Variants in ZNF248 observed in about 807,000 individuals in gnomAD.
ZNF248 encodes zinc finger protein 248, also known as KRAB protein domain.
ZNF248 carries 20 observed loss-of-function variants against 44.3 expected under a neutral mutation model. That is an observed-to-expected ratio of 0.45 (90% confidence interval 0.32 to 0.66). The LOEUF is 0.66. Among genes scored for constraint, ZNF248 ranks in the 30% least tolerant of loss-of-function variants. The probability of loss-of-function intolerance (pLI) is 0.04; values close to 1 mark genes in which losing one functional copy is unlikely to be tolerated. For missense variants in ZNF248, 654 were observed against 677.0 expected, an observed-to-expected ratio of 0.97 and a Z score of 0.38; for synonymous variants, 224 against 229.0, an observed-to-expected ratio of 0.98 and a Z score of 0.20.
intron 5 of ZNF248, among the ~76,000 whole-genome samples, chr10:37,834,128 C>CT (rs1283058664): frequency 6.6e-6 from 1 of 152,042 alleles, no homozygotes; most frequent in Non-Finnish European, 1.5e-5. Context: ...TGAACTGCTA[C>CT]TTTAACTTAA....
the ZNF248 span, among the ~76,000 whole-genome samples, chr10:37,768,465 A>G: frequency 1.3e-5 from 2 of 152,158 alleles, no homozygotes; most frequent in Non-Finnish European, 2.9e-5. Context: ...GGACTAAGAA[A>G]CTCACTCAAA....
At position 37,832,941 on chromosome 10, in the gene ZNF248, T is replaced by C. The variant is rs776247436; in HGVS notation, c.414A>G (p.Lys138=). The change falls in exon 6 of 6, where the codon AAA becomes AAG. Residue 138 remains lysine (K), a synonymous_variant. Transcript: ENST00000395867. ...AATTCATTTCACATGAGTCACATAT[T>C]TTATAGGGATAATTTCTTAAAGAAA... ...DPVSLRNYPY[K]ICDSCEMNLK... is the part of the protein sequence containing the mutation. 4 of 1,613,338 alleles carry C rather than the reference T, an allele frequency of 2.5e-6. No homozygotes were observed. Among genetic ancestry groups the C allele is most frequent in the Middle Eastern group, 1.6e-4 (1 of 6,080 alleles).
chr10:37,772,062 C>G (rs1779046), downstream of ZNF248, among the ~76,000 whole-genome samples: 9,121 of 152,136 alleles, frequency 0.06, 353 homozygotes, highest in Middle Eastern at 0.095. Context: ...GTCAGGAGTT[C>G]GAGACCAGCA....
At position 37,831,528 on chromosome 10, in the gene ZNF248, C is replaced by A; in HGVS notation, c.*87G>T. 1 of 1,505,516 alleles carries A rather than the reference C, an allele frequency of 6.6e-7. No individual in the cohort carries two copies. Among genetic ancestry groups the A allele is most frequent in the Non-Finnish European group, 8.9e-7 (1 of 1,129,644 alleles). The allele number at this position is 1,505,516 out of a possible 1,614,324, so 93.3% of individuals were successfully genotyped here. A position where few individuals can be genotyped will look rare whatever the true frequency, so the allele number is the denominator to read the frequency against. ...TATTCAAACAAGAAGTCATTTTCTA[C>A]AAATTTCTGACATTCTTTGGCTTTC... On this transcript the variant is annotated 3_prime_UTR_variant, in exon 6 of 6. Transcript: ENST00000395867.
downstream of ZNF248, among the ~76,000 whole-genome samples, chr10:37,771,583 A>G (rs183909313): frequency 0.015 from 2,167 of 141,316 alleles, 55 homozygotes; most frequent in African/African-American, 0.052. Flanking sequence ...ATGAGAACAC[A>G]TGGACACAGG....
chr10:37,812,560 A>C (rs1356203145), intron 6 of ZNF248, among the ~76,000 whole-genome samples: 1 of 152,194 alleles, frequency 6.6e-6, no homozygotes, highest in African/African-American at 2.4e-5. Flanking sequence ...TTTTCTGGAT[A>C]GGTTTCACCA....
chr10:37,815,212 A>G (rs2052244287), intron 6 of ZNF248, among the ~76,000 whole-genome samples: 1 of 152,086 alleles, frequency 6.6e-6, no homozygotes, highest in African/African-American at 2.4e-5. Flanking sequence ...GATTACAGGC[A>G]CATGCCACCA....
rs765961344 is a variant in ZNF248 at position 37,833,073 on chromosome 10, T to G, written c.282A>C (p.Glu94Asp). Reference protein sequence around the residue: ...KVDDVLESSQENEDDHFWELL... With the variant: ...KVDDVLESSQDNEDDHFWELL... ...GCTCCCAAAAATGGTCATCTTCATTTTCCTGGCTGCTCTCTAACACGTCAT... is the reference window on the plus strand; with the variant it reads ...GCTCCCAAAAATGGTCATCTTCATTGTCCTGGCTGCTCTCTAACACGTCAT... The change falls in exon 6 of 6, where the codon GAA becomes GAC. Residue 94 changes from glutamate (E) to aspartate (D), a missense_variant. Glu to Asp is a conservative substitution (Grantham distance 45). Coordinates refer to ENST00000395867, the MANE Select transcript of ZNF248 (RefSeq NM_021045.3). 6.2e-7 allele frequency: 1 copy of G among 1,610,088 alleles called. No homozygotes were observed. The highest frequency in any genetic ancestry group is 1.1e-5 in the South Asian group (1 of 90,484).
chr10:37,780,443 T>G (rs901142643), intron 6 of ZNF248, among the ~76,000 whole-genome samples: 5 of 152,202 alleles, frequency 3.3e-5, no homozygotes, highest in Non-Finnish European at 5.9e-5. Context: ...TAAATGGTGC[T>G]TGGAAAACTG....
At chr10:37,777,201 C>CA (rs1042312323) in intron 6 of ZNF248, among the ~76,000 whole-genome samples, 11 of 151,522 alleles carry the variant, frequency 7.3e-5, no homozygotes, top group South Asian at 4.2e-4. Context: ...CAAAACAAAA[C>CA]AAAAAAAAGG....
chr10:37,776,429 C>T, downstream of ZNF248: 1 of 393,522 alleles, frequency 2.5e-6, no homozygotes, highest in East Asian at 3.6e-5. Flanking sequence ...AGGCTCTGCC[C>T]TTTCTGGCAG....
downstream of ZNF248, chr10:37,775,470 T>G (rs1160407553): frequency 6.6e-6 from 1 of 152,078 alleles, no homozygotes; most frequent in Non-Finnish European, 1.5e-5. Context: ...AGATTCAGCT[T>G]CCTAAAAACT....
intron 6 of ZNF248, among the ~76,000 whole-genome samples, chr10:37,812,860 C>A (rs1282389185): frequency 1.3e-5 from 2 of 152,112 alleles, no homozygotes; most frequent in African/African-American, 4.8e-5. Flanking sequence ...ACCACTGGCA[C>A]TGAAGATGGC....
intron 6 of ZNF248, among the ~76,000 whole-genome samples, chr10:37,810,051 A>T (rs2051246609): frequency 1.3e-5 from 2 of 152,192 alleles, no homozygotes; most frequent in African/African-American, 4.8e-5. Flanking sequence ...ACTTGATCCT[A>T]AAAGGGAGTA....
chr10:37,816,669 AC>A (rs1264475958), intron 6 of ZNF248, among the ~76,000 whole-genome samples: 3 of 152,108 alleles, frequency 2.0e-5, no homozygotes, highest in Non-Finnish European at 4.4e-5. Flanking sequence ...GTTTTTGAGT[AC>A]CCTTAGATTT....
At chr10:37,808,156 G>C (rs985132313) in intron 6 of ZNF248, among the ~76,000 whole-genome samples, 1 of 151,976 alleles carries the variant, frequency 6.6e-6, no homozygotes, top group Admixed American at 6.6e-5. Flanking sequence ...TATTACATTA[G>C]GTGGCTTTCA....
At position 37,828,827 on chromosome 10, in the gene ZNF248, A is replaced by G. The variant is rs745651617; in HGVS notation, c.*2788T>C. The stretch of plus-strand genomic sequence containing the variant: ...CTGCTTACCTTACACCACATACAAT[A>G]AGAAACACCACAGGGAGGTATGAAT... On this transcript the variant is annotated 3_prime_UTR_variant, in exon 6 of 6. Coordinates refer to ENST00000395867, the MANE Select transcript of ZNF248 (RefSeq NM_021045.3). 10 of 985,376 alleles carry G rather than the reference A, an allele frequency of 1.0e-5. 1 individual carries two copies. In the South Asian group the frequency reaches 4.7e-4, roughly 46 times the overall value. 61.0% of individuals were successfully genotyped at this position (985,376 alleles called of 1,614,324 possible). A position where few individuals can be genotyped will look rare whatever the true frequency, so the allele number is the denominator to read the frequency against.
intron 3 of ZNF248, among the ~76,000 whole-genome samples, chr10:37,853,558 T>C (rs2060700233): frequency 1.3e-5 from 2 of 151,978 alleles, no homozygotes; most frequent in Non-Finnish European, 1.5e-5. Flanking sequence ...TTTTGTACTT[T>C]TAGTAGAGAC....
chr10:37,819,724 T>A, intron 6 of ZNF248: 8 of 782,362 alleles, frequency 1.0e-5, no homozygotes, highest in Non-Finnish European at 1.9e-5. Context: ...GGTATTCTGC[T>A]AATGTTAACG....
Sources: gnomAD v4.1 joint callset for allele counts (sites outside exome capture counted in the v4.1 genomes callset) on GRCh38, gnomAD v4.1.1 for gene constraint, MANE v1.5 for transcripts, NCBI Gene and HGNC (gene_info 2026-07-23, HGNC 2026-07-21) for gene names.